Variants in TMEM117 observed in about 807,000 individuals in gnomAD.
The protein encoded by TMEM117 is transmembrane protein 117.
In TMEM117, 27 loss-of-function variants were observed where a neutral mutation model predicts 52.4. The ratio of observed to expected loss-of-function variants is 0.51; its 90% CI spans 0.38 to 0.71. TMEM117 has a LOEUF of 0.71. TMEM117 is among the 30% of genes least tolerant of loss of function. The pLI, the probability that TMEM117 is intolerant of heterozygous loss-of-function variation, is 0.00. For synonymous variants in TMEM117, 215 were observed against 206.3 expected, an observed-to-expected ratio of 1.04 and a Z score of -0.36; for missense variants, 556 against 630.5, an observed-to-expected ratio of 0.88 and a Z score of 1.26.
chr12:44,142,010 A>G (rs920933184), intron 3 of TMEM117, among the ~76,000 whole-genome samples: 3 of 152,208 alleles, frequency 2.0e-5, no homozygotes, highest in Non-Finnish European at 4.4e-5. Flanking sequence ...TATAAGAAGA[A>G]GATGTTGCTT....
chr12:44,187,531 T>C (rs544391854), intron 4 of TMEM117, among the ~76,000 whole-genome samples: 12 of 152,298 alleles, frequency 7.9e-5, no homozygotes, highest in African/African-American at 2.6e-4. Flanking sequence ...TTTGCATTAA[T>C]ACTATGTGCT....
chr12:44,319,810 A>AT (rs1555151733), intron 6 of TMEM117, among the ~76,000 whole-genome samples: 1 of 151,916 alleles, frequency 6.6e-6, no homozygotes, highest in Non-Finnish European at 1.5e-5. Flanking sequence ...AAAATTACCT[A>AT]TTTTTTTTCT....
chr12:44,106,227 T>G (rs1177711964), intron 3 of TMEM117, among the ~76,000 whole-genome samples: 5 of 152,068 alleles, frequency 3.3e-5, no homozygotes, highest in Admixed American at 1.3e-4. Context: ...GCTGTTAGGA[T>G]GGTGTAATGA....
chr12:44,309,527 C>A (rs1950946144), intron 6 of TMEM117, among the ~76,000 whole-genome samples: 1 of 152,046 alleles, frequency 6.6e-6, no homozygotes, highest in Non-Finnish European at 1.5e-5. Flanking sequence ...AATGAAAACA[C>A]TACTGGACTA....
At chr12:44,238,657 A>T (rs1041791178) in intron 5 of TMEM117, among the ~76,000 whole-genome samples, 15 of 152,072 alleles carry the variant, frequency 9.9e-5, no homozygotes, top group African/African-American at 3.4e-4. Context: ...AACAACAACA[A>T]CAACAACAAC....
chr12:43,884,133 C>CAAAAA (rs758603064), intron 2 of TMEM117, among the ~76,000 whole-genome samples: 3 of 69,612 alleles, frequency 4.3e-5, no homozygotes, highest in South Asian at 4.2e-4. Flanking sequence ...GATACCATCT[C>CAAAAA]AAAAAAAAAA....
chr12:44,243,786 C>G (rs1950094340), intron 5 of TMEM117, among the ~76,000 whole-genome samples: 1 of 151,788 alleles, frequency 6.6e-6, no homozygotes, highest in Admixed American at 6.6e-5. Flanking sequence ...CATCCACCCC[C>G]CACCCTCCCA....
intron 2 of TMEM117, among the ~76,000 whole-genome samples, chr12:43,906,741 A>G (rs1255800907): frequency 6.6e-6 from 1 of 152,222 alleles, no homozygotes; most frequent in Non-Finnish European, 1.5e-5. Context: ...GACAGACAGC[A>G]CCTGGAAAAT....
chr12:44,310,193 A>T (rs927240332), intron 6 of TMEM117, among the ~76,000 whole-genome samples: 1 of 152,246 alleles, frequency 6.6e-6, no homozygotes, highest in South Asian at 2.1e-4. Flanking sequence ...TCTTTGAATT[A>T]CAATTGATCA....
chr12:43,960,033 T>C (rs1329561795), intron 3 of TMEM117, among the ~76,000 whole-genome samples: 1 of 152,200 alleles, frequency 6.6e-6, no homozygotes, highest in Admixed American at 6.5e-5. Context: ...ATTCAATAGC[T>C]GAAAAGCTTG....
At chr12:43,930,687 T>C (rs1944857418) in intron 2 of TMEM117, among the ~76,000 whole-genome samples, 1 of 152,212 alleles carries the variant, frequency 6.6e-6, no homozygotes, top group Non-Finnish European at 1.5e-5. Flanking sequence ...TCTTAGCAGT[T>C]TGAGGCACTG....
intron 3 of TMEM117, among the ~76,000 whole-genome samples, chr12:44,043,468 A>C (rs755559862): frequency 1.3e-5 from 2 of 152,124 alleles, no homozygotes; most frequent in Non-Finnish European, 2.9e-5. Context: ...TGAGTTTGTA[A>C]ACGCTGATGA....
intron 6 of TMEM117, among the ~76,000 whole-genome samples, chr12:44,373,383 G>A (rs573876860): frequency 6.6e-6 from 1 of 152,348 alleles, no homozygotes; most frequent in South Asian, 2.1e-4. Flanking sequence ...AAGGCCCCAG[G>A]GGGCCAGTGC....
intron 3 of TMEM117, among the ~76,000 whole-genome samples, chr12:44,005,434 C>T (rs774562952): frequency 6.6e-5 from 10 of 152,186 alleles, no homozygotes; most frequent in Admixed American, 1.3e-4. Flanking sequence ...CAGATAGTCA[C>T]ATTGGCTAAT....
At chr12:43,813,259 T>TTTTTTTTTTC in the TMEM117 span, among the ~76,000 whole-genome samples, 2 of 131,212 alleles carry the variant, frequency 1.5e-5, no homozygotes, top group Non-Finnish European at 3.2e-5. Context: ...TTTTTTTTTT[T>TTTTTTTTTTC]CTGAGACAGC....
chr12:44,177,446 G>A (rs112727610), intron 4 of TMEM117, among the ~76,000 whole-genome samples: 4,558 of 152,108 alleles, frequency 0.03, 109 homozygotes, highest in Admixed American at 0.043. Flanking sequence ...ACTATAATTG[G>A]GATATTTATT....
At chr12:44,355,105 G>T (rs933523060) in intron 6 of TMEM117, among the ~76,000 whole-genome samples, 2 of 151,952 alleles carry the variant, frequency 1.3e-5, no homozygotes, top group African/African-American at 4.8e-5. Context: ...GGCTAAGGTA[G>T]CTAAACTTTC....
intron 5 of TMEM117, among the ~76,000 whole-genome samples, chr12:44,239,157 T>C (rs1950032786): frequency 6.6e-6 from 1 of 152,226 alleles, no homozygotes; most frequent in South Asian, 2.1e-4. Context: ...TTTGTGATTT[T>C]GTCTTTCACG....
chr12:44,225,470 G>T (rs1477998697), intron 5 of TMEM117, among the ~76,000 whole-genome samples: 1 of 152,070 alleles, frequency 6.6e-6, no homozygotes, highest in Admixed American at 6.6e-5. Flanking sequence ...AATTTAGTAT[G>T]TTTTTTTCTC....
Sources: gnomAD v4.1 joint callset for allele counts (sites outside exome capture counted in the v4.1 genomes callset) on GRCh38, gnomAD v4.1.1 for gene constraint, MANE v1.5 for transcripts, NCBI Gene and HGNC (gene_info 2026-07-23, HGNC 2026-07-21) for gene names.